The following CHD6 variants were observed in gnomAD, a reference collection of about 807,000 sequenced individuals.
CHD6 encodes chromodomain helicase DNA binding protein 6.
A neutral mutation model predicts 276.9 loss-of-function variants in CHD6; 50 were observed. The ratio of observed to expected loss-of-function variants is 0.18; its 90% CI spans 0.14 to 0.23. The LOEUF (loss-of-function observed/expected upper bound fraction) is 0.23. Among genes scored for constraint, CHD6 ranks in the 10% least tolerant of loss-of-function variants. The pLI is 1.00. For missense variants in CHD6, 2,564 were observed against 3,365.8 expected (o/e 0.76, Z 5.89); for synonymous variants, 1,173 against 1,229.3 (o/e 0.95, Z 0.96).
At chr20:41,499,630 T>C (rs2043784227) in intron 5 of CHD6, among the ~76,000 whole-genome samples, 2 of 152,144 alleles carry the variant, frequency 1.3e-5, no homozygotes, top group Admixed American at 6.5e-5. Flanking sequence ...ATACCTAAAA[T>C]TGGTCCTCAG....
At chr20:41,453,801 A>C (rs1883850506) in intron 20 of CHD6, among the ~76,000 whole-genome samples, 1 of 152,164 alleles carries the variant, frequency 6.6e-6, no homozygotes. Flanking sequence ...GGATCTTCTT[A>C]AAAGAGGAAA....
chr20:41,544,165 G>A (rs992119412), intron 2 of CHD6, among the ~76,000 whole-genome samples: 3 of 152,132 alleles, frequency 2.0e-5, no homozygotes, highest in Non-Finnish European at 4.4e-5. Context: ...GCTTGAACCC[G>A]GGAGGTGGAG....
chr20:41,555,229 G>T, intron 1 of CHD6, among the ~76,000 whole-genome samples: 1 of 132,888 alleles, frequency 7.5e-6, no homozygotes, highest in South Asian at 2.5e-4. Flanking sequence ...CTGGCCGGGT[G>T]GGGGGCTGAC....
chr20:41,557,511 T>G (rs985845064), intron 1 of CHD6, among the ~76,000 whole-genome samples: 1 of 152,096 alleles, frequency 6.6e-6, no homozygotes, highest in East Asian at 1.9e-4. Context: ...ATAGTAACTT[T>G]TAAAAAATAA....
chr20:41,481,318 AAAATT>A (rs1276451240), intron 16 of CHD6, among the ~76,000 whole-genome samples: 2 of 151,950 alleles, frequency 1.3e-5, no homozygotes, highest in Non-Finnish European at 2.9e-5. Context: ...ACTCATAAAT[AAAATT>A]AAAGAACAAA....
intron 11 of CHD6, among the ~76,000 whole-genome samples, chr20:41,491,082 C>A (rs942510836): frequency 2.0e-5 from 3 of 151,922 alleles, no homozygotes; most frequent in Non-Finnish European, 4.4e-5. Context: ...AGGACATTAC[C>A]GCACACCACT....
chr20:41,542,410 C>T (rs565120541), intron 2 of CHD6, among the ~76,000 whole-genome samples: 5 of 152,292 alleles, frequency 3.3e-5, no homozygotes, highest in Middle Eastern at 3.4e-3. Flanking sequence ...AGACTGTATT[C>T]GGCTGGGCGC....
chr20:41,559,067 T>A (rs866265376), intron 1 of CHD6, among the ~76,000 whole-genome samples: 1 of 152,024 alleles, frequency 6.6e-6, no homozygotes, highest in Non-Finnish European at 1.5e-5. Flanking sequence ...AGAAAAAAAA[T>A]TAGTTTCCTT....
rs200420305 is a variant in CHD6, at chr20:41,420,562, T to C, written c.6073A>G (p.Met2025Val). 1.9e-5 allele frequency: 31 copies of C among 1,613,878 alleles called. No individual in the cohort carries two copies. Among genetic ancestry groups the C allele is most frequent in the East Asian group, 2.2e-5 (1 of 44,902 alleles). Residue 2025 changes from methionine (M) to valine (V), a missense_variant, in exon 31 of 37, where the codon ATG becomes GTG. Physicochemically the swap from Met to Val is conservative, Grantham distance 21. Coordinates refer to ENST00000373233, the MANE Select transcript of CHD6 (RefSeq NM_032221.5). ...LEGSELKSED[M>V]DFENKDDYDR... ...TAATCATCTTTATTCTCAAAATCCA[T>C]GTCTTCTGATTTGAGCTCACTTCCT... is the stretch of plus-strand genomic sequence containing the variant.
At chr20:41,521,075 T>C (rs2044381439) in intron 3 of CHD6, among the ~76,000 whole-genome samples, 1 of 152,222 alleles carries the variant, frequency 6.6e-6, no homozygotes, top group Non-Finnish European at 1.5e-5. Context: ...GACACTTCTC[T>C]GAGTATACCT....
At chr20:41,535,274 A>G (rs2044801900) in intron 2 of CHD6, among the ~76,000 whole-genome samples, 1 of 152,200 alleles carries the variant, frequency 6.6e-6, no homozygotes, top group Admixed American at 6.5e-5. Flanking sequence ...TTTATTGAAA[A>G]CATGCCATAT....
intron 3 of CHD6, among the ~76,000 whole-genome samples, chr20:41,529,349 G>A (rs1053111428): frequency 2.6e-5 from 4 of 152,018 alleles, no homozygotes; most frequent in African/African-American, 9.7e-5. Flanking sequence ...AATTAATGAC[G>A]GGAAAAGTAG....
chr20:41,597,701 G>C (rs2045732331), intron 1 of CHD6, among the ~76,000 whole-genome samples: 1 of 151,062 alleles, frequency 6.6e-6, no homozygotes, highest in Non-Finnish European at 1.5e-5. Flanking sequence ...TAATGTTAAA[G>C]AAAAAAGCCT....
At chr20:41,613,873 A>G (rs545604349) in intron 1 of CHD6, among the ~76,000 whole-genome samples, 1 of 152,276 alleles carries the variant, frequency 6.6e-6, no homozygotes, top group African/African-American at 2.4e-5. Flanking sequence ...CAGACCAGCC[A>G]AAGACTCCCT....
chr20:41,582,188 A>C (rs1048765539), intron 1 of CHD6, among the ~76,000 whole-genome samples: 10 of 152,228 alleles, frequency 6.6e-5, no homozygotes, highest in African/African-American at 2.4e-4. Flanking sequence ...TACATATCCA[A>C]ATACTAACAA....
At chr20:41,491,912 CCCAAGG>C in intron 10 of CHD6, 93 bp from the exon 11 acceptor site, 1 of 1,406,684 alleles carries the variant, frequency 7.1e-7, no homozygotes. Flanking sequence ...ATCTCACTGT[CCCAAGG>C]CTGGTTTCAA....
intron 2 of CHD6, among the ~76,000 whole-genome samples, chr20:41,535,743 G>T (rs1345374382): frequency 3.3e-5 from 5 of 152,136 alleles, no homozygotes; most frequent in Non-Finnish European, 5.9e-5. Context: ...GTGCACACCT[G>T]TAGTCCTAGC....
At chr20:41,428,447 T>C (rs1386750179) in intron 27 of CHD6, among the ~76,000 whole-genome samples, 3 of 152,148 alleles carry the variant, frequency 2.0e-5, no homozygotes, top group African/African-American at 7.2e-5. Context: ...GAAAGAAATG[T>C]TCATCTTCAA....
intron 1 of CHD6, among the ~76,000 whole-genome samples, chr20:41,557,272 A>C (rs917066056): frequency 5.3e-5 from 8 of 152,334 alleles, no homozygotes; most frequent in Middle Eastern, 6.8e-3. Flanking sequence ...AATTATCTTC[A>C]CAAGAAGGTA....
Sources: gnomAD v4.1 joint callset for allele counts (sites outside exome capture counted in the v4.1 genomes callset) on GRCh38, gnomAD v4.1.1 for gene constraint, MANE v1.5 for transcripts, NCBI Gene and HGNC (gene_info 2026-07-23, HGNC 2026-07-21) for gene names.